Variants in GTF2F2 observed in about 807,000 individuals in gnomAD.
GTF2F2 encodes the protein general transcription factor IIF subunit 2.
Under a neutral mutation model 42.2 loss-of-function variants are expected in GTF2F2, and 23 were observed. The observed-to-expected ratio is 0.55, with a 90% CI of 0.39 to 0.77. GTF2F2 has a LOEUF of 0.77. GTF2F2 is among the 30% of genes least tolerant of loss of function. The pLI is 0.00. For synonymous variants in GTF2F2, 105 were observed against 100.8 expected, an observed-to-expected ratio of 1.04 and a Z score of -0.25; for missense variants, 261 against 287.2, an observed-to-expected ratio of 0.91 and a Z score of 0.66.
chr13:45,252,907 A>G lies in GTF2F2; in HGVS notation c.423A>G (p.Leu141=), dbSNP rs962478775. Residue 141 remains leucine, a synonymous_variant, in exon 6 of 8, where the codon CTA becomes CTG. Transcript: ENST00000340473. Reference sequence around the variant, plus strand: ...AAGAGTCTTCCAAACCAGTGAGGCTATCACAACAGCTGGACAAAGTTGTAA... The same window carrying G: ...AAGAGTCTTCCAAACCAGTGAGGCTGTCACAACAGCTGGACAAAGTTGTAA... ...QIEESSKPVR[L]SQQLDKVVTT... The G allele has an allele frequency of 1.3e-6, 2 of 1,514,092 alleles. No homozygotes were observed. Among genetic ancestry groups the G allele is most frequent in the South Asian group, 1.4e-5 (1 of 74,022 alleles). 93.8% of individuals were successfully genotyped at this position (1,514,092 alleles called of 1,614,324 possible). A position where few individuals can be genotyped will look rare whatever the true frequency, so the allele number is the denominator to read the frequency against.
At chr13:45,237,180 C>T (rs914091185) in intron 5 of GTF2F2, among the ~76,000 whole-genome samples, 1 of 152,054 alleles carries the variant, frequency 6.6e-6, no homozygotes, top group African/African-American at 2.4e-5. Context: ...TTATGTTTTT[C>T]GGTGCTGTGG....
At chr13:45,124,433 A>G (rs1593440746) in intron 1 of GTF2F2, among the ~76,000 whole-genome samples, 1 of 149,914 alleles carries the variant, frequency 6.7e-6, no homozygotes, top group East Asian at 2.2e-4. Context: ...ATGGTGGCTC[A>G]TGCCTGTAAT....
chr13:45,170,420 A>G (rs1055580749), intron 4 of GTF2F2, among the ~76,000 whole-genome samples: 25 of 152,332 alleles, frequency 1.6e-4, no homozygotes, highest in African/African-American at 6.0e-4. Flanking sequence ...TTTTTCTGAC[A>G]AGGCTTAGAA....
intron 7 of GTF2F2, among the ~76,000 whole-genome samples, chr13:45,282,323 A>G (rs990236990): frequency 2.0e-5 from 3 of 152,176 alleles, no homozygotes; most frequent in African/African-American, 7.2e-5. Flanking sequence ...TTGGCAAGCA[A>G]AGGTCTAGTT....
chr13:45,213,982 G>C (rs888824264), intron 5 of GTF2F2, among the ~76,000 whole-genome samples: 6 of 152,142 alleles, frequency 3.9e-5, no homozygotes, highest in African/African-American at 1.4e-4. Flanking sequence ...AGGACTAGAA[G>C]AGAAAGGCTT....
chr13:45,249,596 C>T (rs1259825795), intron 5 of GTF2F2, among the ~76,000 whole-genome samples: 2 of 152,132 alleles, frequency 1.3e-5, no homozygotes, highest in African/African-American at 2.4e-5. Context: ...TAAAGAAGCA[C>T]TTCACTAAAC....
At chr13:45,262,913 G>A (rs987921284) in intron 6 of GTF2F2, among the ~76,000 whole-genome samples, 1 of 151,660 alleles carries the variant, frequency 6.6e-6, no homozygotes, top group South Asian at 2.1e-4. Flanking sequence ...ATTTTGTAGA[G>A]ATGGGTCTCA....
chr13:45,263,151 G>A (rs751216077), intron 6 of GTF2F2, among the ~76,000 whole-genome samples: 13 of 152,076 alleles, frequency 8.5e-5, no homozygotes, highest in Non-Finnish European at 1.9e-4. Context: ...TAAATTTAAA[G>A]TACTTAAATT....
intron 4 of GTF2F2, among the ~76,000 whole-genome samples, chr13:45,164,372 A>C (rs887416967): frequency 6.6e-6 from 1 of 152,204 alleles, no homozygotes; most frequent in African/African-American, 2.4e-5. Flanking sequence ...GTAAGACTTT[A>C]AAACTGACCT....
At chr13:45,270,586 C>T (rs542051097) in intron 7 of GTF2F2, among the ~76,000 whole-genome samples, 4 of 152,132 alleles carry the variant, frequency 2.6e-5, no homozygotes, top group Non-Finnish European at 5.9e-5. Context: ...GACCTAGTCA[C>T]CTCTCAAAGG....
chr13:45,204,090 G>GT (rs1239508622), intron 4 of GTF2F2, among the ~76,000 whole-genome samples: 1 of 151,968 alleles, frequency 6.6e-6, no homozygotes, highest in Admixed American at 6.6e-5. Context: ...TTATAAACAG[G>GT]TTTTTTGGGA....
At chr13:45,158,209 C>T (rs1472943393) in intron 4 of GTF2F2, among the ~76,000 whole-genome samples, 1 of 152,170 alleles carries the variant, frequency 6.6e-6, no homozygotes, top group East Asian at 1.9e-4. Context: ...ATGGAGGCAG[C>T]TTCCCCCATA....
At chr13:45,279,757 T>C (rs944219077) in intron 7 of GTF2F2, among the ~76,000 whole-genome samples, 3 of 151,958 alleles carry the variant, frequency 2.0e-5, no homozygotes, top group Non-Finnish European at 2.9e-5. Context: ...AATACAAAAT[T>C]AGCCAGGCGT....
In GTF2F2 at chr13:45,212,476, TTTC is replaced by T. The variant is rs1566137155; in HGVS notation, c.386+4974_386+4976del. The stretch of plus-strand genomic sequence containing the variant: ...CTTTCTTTCTTTCTTTCTTTCTTTC[TTTC>T]TTTCTTTCTTTCTTTCTTTCTTTCT... On this transcript the variant is annotated intron_variant, in intron 5 of 7. Transcript: ENST00000340473. Among the ~76,000 whole-genome samples, 12 of 133,686 alleles carry T rather than the reference TTTC, an allele frequency of 9.0e-5. 1 individual carries two copies. Among genetic ancestry groups the T allele is most frequent in the Non-Finnish European group, 1.5e-4 (9 of 61,954 alleles). 87.7% of individuals were successfully genotyped at this position (133,686 alleles called of 152,430 possible). A position where few individuals can be genotyped will look rare whatever the true frequency, so the allele number is the denominator to read the frequency against.
intron 4 of GTF2F2, among the ~76,000 whole-genome samples, chr13:45,183,886 T>G (rs1872282977): frequency 6.6e-6 from 1 of 151,890 alleles, no homozygotes; most frequent in Non-Finnish European, 1.5e-5. Flanking sequence ...GACAGAGTCT[T>G]TCTTGGTCAC....
At chr13:45,173,667 G>T (rs2138147366) in intron 4 of GTF2F2, among the ~76,000 whole-genome samples, 1 of 139,386 alleles carries the variant, frequency 7.2e-6, no homozygotes, top group East Asian at 2.0e-4. Context: ...ACCCAGGCTG[G>T]AATGCAGTGG....
intron 4 of GTF2F2, among the ~76,000 whole-genome samples, chr13:45,179,184 C>T (rs1282775615): frequency 3.3e-5 from 5 of 152,130 alleles, no homozygotes; most frequent in Admixed American, 1.3e-4. Flanking sequence ...AAAATAGACC[C>T]CACCTCTTGA....
intron 1 of GTF2F2, among the ~76,000 whole-genome samples, chr13:45,127,885 C>T (rs966948220): frequency 4.1e-4 from 60 of 145,536 alleles, no homozygotes; most frequent in African/African-American, 1.5e-3. Flanking sequence ...CCCGCCTCAG[C>T]CTCCCAAAGT....
At chr13:45,249,898 C>T (rs1469896990) in intron 5 of GTF2F2, among the ~76,000 whole-genome samples, 1 of 152,090 alleles carries the variant, frequency 6.6e-6, no homozygotes, top group African/African-American at 2.4e-5. Flanking sequence ...TCCCATCCCC[C>T]ACCAAGTTAA....
Sources: gnomAD v4.1 joint callset for allele counts (sites outside exome capture counted in the v4.1 genomes callset) on GRCh38, gnomAD v4.1.1 for gene constraint, MANE v1.5 for transcripts, NCBI Gene and HGNC (gene_info 2026-07-23, HGNC 2026-07-21) for gene names.